Variants in DNAJB6 observed in about 807,000 individuals in gnomAD.
The protein encoded by DNAJB6 is DnaJ heat shock protein family (Hsp40) member B6, also known as dnaJ homolog subfamily B member 6.
A neutral mutation model predicts 42.7 loss-of-function variants in DNAJB6; 16 were observed. That is an observed-to-expected ratio of 0.37 (90% CI 0.25 to 0.57). The LOEUF (loss-of-function observed/expected upper bound fraction) is 0.57. Among genes scored for constraint, DNAJB6 ranks in the 20% least tolerant of loss-of-function variants. The probability of loss-of-function intolerance (pLI) is 0.74; values close to 1 mark genes in which losing one functional copy is unlikely to be tolerated. For synonymous variants in DNAJB6, 170 were observed against 163.5 expected, an observed-to-expected ratio of 1.04 and a Z score of -0.30; for missense variants, 347 against 416.8, an observed-to-expected ratio of 0.83 and a Z score of 1.46.
chr7:157,383,603 A>G (rs1476861974), intron 6 of DNAJB6, among the ~76,000 whole-genome samples: 11 of 93,888 alleles, frequency 1.2e-4, no homozygotes, highest in African/African-American at 5.3e-4. Flanking sequence ...TGGCTCCTGT[A>G]TGTGTGTTTG....
intron 5 of DNAJB6, among the ~76,000 whole-genome samples, chr7:157,373,822 C>T (rs558426554): frequency 1.3e-5 from 2 of 152,220 alleles, no homozygotes; most frequent in South Asian, 2.1e-4. Context: ...AGAGTTCATA[C>T]ACAGGCACAC....
At chr7:157,358,177 T>A (rs1428782931) in intron 1 of DNAJB6, among the ~76,000 whole-genome samples, 1 of 152,156 alleles carries the variant, frequency 6.6e-6, no homozygotes, top group East Asian at 1.9e-4. Flanking sequence ...ATGCATTGAA[T>A]GAAAGAGGTA....
At chr7:157,352,134 A>G (rs1003719846) in intron 1 of DNAJB6, among the ~76,000 whole-genome samples, 12 of 152,100 alleles carry the variant, frequency 7.9e-5, no homozygotes, top group African/African-American at 2.9e-4. Context: ...GATCGAGACC[A>G]TCCTGGCCAA....
chr7:157,393,393 TC>T, intron 8 of DNAJB6, among the ~76,000 whole-genome samples: 1 of 152,384 alleles, frequency 6.6e-6, no homozygotes, highest in African/African-American at 2.4e-5. Context: ...TGTCTTGTTT[TC>T]CAGCAGGCTG....
At chr7:157,391,510 T>TC (rs1801341423) in intron 8 of DNAJB6, among the ~76,000 whole-genome samples, 1 of 152,148 alleles carries the variant, frequency 6.6e-6, no homozygotes, top group African/African-American at 2.4e-5. Context: ...GGCTGAGCCT[T>TC]CCCTGCCAGT....
chr7:157,393,226 C>G (rs1801431687), intron 8 of DNAJB6, among the ~76,000 whole-genome samples: 1 of 152,168 alleles, frequency 6.6e-6, no homozygotes, highest in South Asian at 2.1e-4. Flanking sequence ...TCCCGCCCTC[C>G]TTGGCCTCCC....
chr7:157,357,212 G>GTTCTTTCTTTCTTTCTTTCTTTCTT, intron 1 of DNAJB6, among the ~76,000 whole-genome samples: 1 of 61,842 alleles, frequency 1.6e-5, no homozygotes, highest in East Asian at 7.2e-4. Context: ...TGATACTGTT[G>GTTCTTTCTTTCTTTCTTTCTTTCTT]TCCTTCCTTC....
intron 8 of DNAJB6, among the ~76,000 whole-genome samples, chr7:157,389,636 A>AGTGT (rs1422090222): frequency 2.6e-5 from 4 of 152,222 alleles, no homozygotes; most frequent in Non-Finnish European, 4.4e-5. Flanking sequence ...TTGGTACTAA[A>AGTGT]GTGTGACCAA....
chr7:157,343,231 G>A (rs1051328470), intron 1 of DNAJB6, among the ~76,000 whole-genome samples: 1 of 151,606 alleles, frequency 6.6e-6, no homozygotes, highest in Non-Finnish European at 1.5e-5. Context: ...CACTATCTTG[G>A]CTCACTGCGC....
At chr7:157,383,635 G>A (rs990922452) in intron 6 of DNAJB6, among the ~76,000 whole-genome samples, 1 of 149,934 alleles carries the variant, frequency 6.7e-6, no homozygotes, top group Admixed American at 6.6e-5. Context: ...GTGTGTGTGT[G>A]TGTGTGTGGT....
At chr7:157,354,537 G>A (rs1282522930) in intron 1 of DNAJB6, among the ~76,000 whole-genome samples, 1 of 151,714 alleles carries the variant, frequency 6.6e-6, no homozygotes, top group Non-Finnish European at 1.5e-5. Flanking sequence ...GGAGTGCTGT[G>A]GCACGCTTTC....
intron 8 of DNAJB6, among the ~76,000 whole-genome samples, chr7:157,403,555 C>T (rs560390513): frequency 6.6e-6 from 1 of 152,168 alleles, no homozygotes; most frequent in Non-Finnish European, 1.5e-5. Flanking sequence ...CAACCTTTGC[C>T]TCCTGAGCTC....
intron 5 of DNAJB6, among the ~76,000 whole-genome samples, chr7:157,373,521 T>A (rs1055158752): frequency 6.6e-6 from 1 of 152,172 alleles, no homozygotes; most frequent in Non-Finnish European, 1.5e-5. Flanking sequence ...TGGCTAATGT[T>A]TGTGTTTTTA....
chr7:157,349,099 C>G (rs931736941), intron 1 of DNAJB6, among the ~76,000 whole-genome samples: 5 of 151,856 alleles, frequency 3.3e-5, no homozygotes, highest in African/African-American at 1.2e-4. Flanking sequence ...TCACGCTTAT[C>G]TGGAATTCCT....
chr7:157,377,518 A>G (rs1404581242), intron 5 of DNAJB6, among the ~76,000 whole-genome samples: 1 of 152,190 alleles, frequency 6.6e-6, no homozygotes, highest in Non-Finnish European at 1.5e-5. Context: ...CGTGTATTAC[A>G]AGGAAGGTGC....
chr7:157,403,688 T>C (rs972073643), intron 8 of DNAJB6, among the ~76,000 whole-genome samples: 32 of 152,270 alleles, frequency 2.1e-4, no homozygotes, highest in African/African-American at 7.7e-4. Flanking sequence ...CCGATGCAGT[T>C]CCCAGCTTGC....
chr7:157,339,736 C>T (rs1396838680), intron 1 of DNAJB6: 1 of 152,564 alleles, frequency 6.6e-6, no homozygotes, highest in Non-Finnish European at 1.5e-5. Context: ...AGCGATTCTC[C>T]TGCCTCAGCC....
intron 3 of DNAJB6, among the ~76,000 whole-genome samples, chr7:157,365,808 G>A (rs1172342310): frequency 1.3e-5 from 2 of 152,202 alleles, no homozygotes; most frequent in East Asian, 3.9e-4. Flanking sequence ...GGGATCACAG[G>A]CATGCGCCAC....
chr7:157,360,102 G>GT (rs1584897605), intron 2 of DNAJB6, among the ~76,000 whole-genome samples: 2 of 152,352 alleles, frequency 1.3e-5, no homozygotes, highest in African/African-American at 4.8e-5. Flanking sequence ...GTATTAGTCT[G>GT]TTTTTACGCT....
Sources: gnomAD v4.1 joint callset for allele counts (sites outside exome capture counted in the v4.1 genomes callset) on GRCh38, gnomAD v4.1.1 for gene constraint, MANE v1.5 for transcripts, NCBI Gene and HGNC (gene_info 2026-07-23, HGNC 2026-07-21) for gene names.